SYTL3: variants seen among roughly 807,000 people sequenced by gnomAD.
The protein encoded by SYTL3 is synaptotagmin-like protein 3.
Under a neutral mutation model 82.1 loss-of-function variants are expected in SYTL3, and 88 were observed. The observed-to-expected ratio is 1.07, with a 90% CI of 0.90 to 1.28. SYTL3 has a LOEUF of 1.28. Ranked by LOEUF, SYTL3 falls within the 50% of genes most tolerant of loss-of-function variation. The pLI is 0.00. For synonymous variants in SYTL3, 311 were observed against 289.4 expected (o/e 1.07, Z -0.76); for missense variants, 831 against 757.6 (o/e 1.10, Z -1.14).
chr6:158,698,139 G>A (rs907135469), intron 6 of SYTL3, among the ~76,000 whole-genome samples: 1 of 152,164 alleles, frequency 6.6e-6, no homozygotes, highest in Non-Finnish European at 1.5e-5. Context: ...GCTCACGCCT[G>A]TAATTTCAGC....
intron 11 of SYTL3, among the ~76,000 whole-genome samples, chr6:158,745,184 A>T (rs1407958834): frequency 6.6e-6 from 1 of 151,524 alleles, no homozygotes; most frequent in Non-Finnish European, 1.5e-5. Context: ...AGAATTGCAT[A>T]GGAGCTAGTC....
chr6:158,758,486 G>A (rs985422160), intron 14 of SYTL3, among the ~76,000 whole-genome samples: 7 of 151,550 alleles, frequency 4.6e-5, no homozygotes, highest in African/African-American at 1.7e-4. Flanking sequence ...TCAGCCAAGG[G>A]CCCACGGCAG....
intron 6 of SYTL3, among the ~76,000 whole-genome samples, chr6:158,686,182 G>A (rs971259612): frequency 1.3e-5 from 2 of 152,180 alleles, no homozygotes; most frequent in South Asian, 2.1e-4. Context: ...AAGGGAATTA[G>A]GAAAGAGGTG....
chr6:158,738,836 T>A (rs1301062483), intron 11 of SYTL3, among the ~76,000 whole-genome samples: 3 of 152,230 alleles, frequency 2.0e-5, no homozygotes, highest in Non-Finnish European at 2.9e-5. Context: ...TTTTGTATTT[T>A]TAGTGGAGAC....
Position 158,756,718 on chromosome 6 carries a change from AATTTTTTTTTTT to A in SYTL3, c.1138-492_1138-481del, listed in dbSNP as rs1398815632. On this transcript the variant is annotated intron_variant, in intron 13 of 17. Coordinates refer to ENST00000611299, the MANE Select transcript of SYTL3 (RefSeq NM_001242394.2). ...AGAGCGAGATCCTGTCTCAAAAAAA[AATTTTTTTTTTT>A]TTTTTTTTTTTTTTTTTTAGTATTT... Among the ~76,000 whole-genome samples the A allele has an allele frequency of 5.1e-3, 241 of 47,406 alleles. 1 individual carries two copies. The highest frequency in any genetic ancestry group is 0.015 in the African/African-American group (212 of 14,042). 31.1% of individuals were successfully genotyped at this position (47,406 alleles called of 152,430 possible).
intron 10 of SYTL3, among the ~76,000 whole-genome samples, chr6:158,720,153 G>A (rs1464239699): frequency 6.6e-6 from 1 of 152,010 alleles, no homozygotes; most frequent in Non-Finnish European, 1.5e-5. Context: ...TGTAATCCCA[G>A]CACTCTGGGA....
chr6:158,716,471 G>C lies in SYTL3; in HGVS notation c.596-1616G>C, dbSNP rs182758510. On this transcript the variant is annotated intron_variant, in intron 9 of 17. Transcript: ENST00000611299. ...AGACTGAGATGGACCATCTGAGCGT[G>C]TCCTTTACTTTGTCCACTTTGAGGA... 9.7e-3 allele frequency among the ~76,000 whole-genome samples: 1,476 copies of C among 152,230 alleles called. 15 individuals are homozygous for C. Among genetic ancestry groups the C allele is most frequent in the Non-Finnish European group, 0.017 (1,168 of 68,010 alleles).
chr6:158,705,567 G>C lies in SYTL3; in HGVS notation c.395-1663G>C, dbSNP rs867430075. On this transcript the variant is annotated intron_variant, in intron 6 of 17. Transcript: ENST00000611299. ...GCTGTAAGGTCACATAGAGCAGCGG[G>C]GGGGGACCTGGGGGCAGGGTAACAG... is the stretch of plus-strand genomic sequence containing the variant. 2.0e-5 allele frequency among the ~76,000 whole-genome samples: 3 copies of C among 148,452 alleles called. 1 individual carries two copies. The highest frequency in any genetic ancestry group is 1.3e-4 in the Admixed American group (2 of 14,892).
rs992010648 is a variant in SYTL3 at position 158,740,408 on chromosome 6, A to G, written c.856-5072A>G. 2.6e-5 allele frequency among the ~76,000 whole-genome samples: 4 copies of G among 152,198 alleles called. No individual in the cohort carries two copies. In the South Asian group the frequency reaches 6.2e-4, roughly 24 times the overall value. On this transcript the variant is annotated intron_variant, in intron 11 of 17. Transcript: ENST00000611299. ...CTCTGGAGAAATATATTCTTTTCATATATTTTCTTGACCATATTAGTTACA... is the reference window on the plus strand; with the variant it reads ...CTCTGGAGAAATATATTCTTTTCATGTATTTTCTTGACCATATTAGTTACA...
intron 6 of SYTL3, among the ~76,000 whole-genome samples, chr6:158,689,299 A>T (rs952028438): frequency 1.3e-5 from 2 of 151,514 alleles, no homozygotes; most frequent in Admixed American, 1.3e-4. Context: ...CCAATAGATA[A>T]CTTTATCAGT....
chr6:158,751,682 C>G (rs73018271), intron 12 of SYTL3, among the ~76,000 whole-genome samples: 1 of 152,178 alleles, frequency 6.6e-6, no homozygotes, highest in African/African-American at 2.4e-5. Flanking sequence ...GAGCTTCACA[C>G]CCCCAGGAAT....
chr6:158,707,230 G>A lies in SYTL3; in HGVS notation c.395G>A (p.Gly132Asp), dbSNP rs778423151. The A allele has an allele frequency of 1.9e-6, 3 of 1,613,776 alleles. No individual in the cohort carries two copies. Among genetic ancestry groups the A allele is most frequent in the Admixed American group, 1.7e-5 (1 of 60,030 alleles). Reference sequence around the variant, plus strand: ...CGCCCTCTATGGATATCTCTCGCAGGCAAACATGAGACAGTTGGAGGGCAG... The same window carrying A: ...CGCCCTCTATGGATATCTCTCGCAGACAAACATGAGACAGTTGGAGGGCAG... ...EERAKKFPTG[G>D]KHETVGGQLL... Residue 132 changes from glycine (G) to aspartate (D), a missense_variant and splice_region_variant, in exon 7 of 18, where the codon GGC (glycine) becomes GAC (aspartate). Physicochemically the swap from Gly to Asp is moderately conservative, Grantham distance 94. Coordinates refer to ENST00000611299, the MANE Select transcript of SYTL3 (RefSeq NM_001242394.2).
intron 5 of SYTL3, among the ~76,000 whole-genome samples, chr6:158,681,020 A>G (rs954119532): frequency 6.6e-6 from 1 of 152,254 alleles, no homozygotes; most frequent in Non-Finnish European, 1.5e-5. Context: ...GAGTTCATGT[A>G]TAGCCTGAAA....
chr6:158,677,026 T>A (rs1036388298), intron 5 of SYTL3, among the ~76,000 whole-genome samples: 12 of 152,304 alleles, frequency 7.9e-5, no homozygotes, highest in African/African-American at 2.9e-4. Context: ...GAACTAGAAA[T>A]ACCATTTGAC....
intron 6 of SYTL3, among the ~76,000 whole-genome samples, chr6:158,705,541 G>A (rs1166091053): frequency 1.5e-3 from 176 of 118,206 alleles, no homozygotes; most frequent in Non-Finnish European, 1.8e-3. Flanking sequence ...TAACACTGAG[G>A]GCTGTAAGGT....
In SYTL3 at chr6:158,665,352, G is replaced by T. The variant is rs374150131; in HGVS notation, c.111-43G>T. Reference sequence around the variant, plus strand: ...CTCTTGCCCTATAGCCTGGGGTCAGGTGTTCCATCTAATACTATCTTCTTT... The same window carrying T: ...CTCTTGCCCTATAGCCTGGGGTCAGTTGTTCCATCTAATACTATCTTCTTT... On this transcript the variant is annotated intron_variant, in intron 4 of 17. Transcript: ENST00000611299. 6 of 1,536,932 alleles carry T rather than the reference G, an allele frequency of 3.9e-6. No homozygotes were observed. The Admixed American group carries it at 5.9e-5, about 15-fold the overall frequency.
intron 12 of SYTL3, among the ~76,000 whole-genome samples, chr6:158,747,042 A>G (rs1035401974): frequency 6.6e-6 from 1 of 152,024 alleles, no homozygotes; most frequent in African/African-American, 2.4e-5. Flanking sequence ...GCTGGAGTGT[A>G]TTGGCACGAT....
At chr6:158,660,961 T>C (rs114966404) in intron 2 of SYTL3, among the ~76,000 whole-genome samples, 2,144 of 152,146 alleles carry the variant, frequency 0.014, 43 homozygotes, top group African/African-American at 0.049. Flanking sequence ...AGGCGGAGGC[T>C]AAAGGATTGC....
At chr6:158,744,256 T>G (rs1438560188) in intron 11 of SYTL3, among the ~76,000 whole-genome samples, 9 of 150,782 alleles carry the variant, frequency 6.0e-5, no homozygotes, top group African/African-American at 2.2e-4. Flanking sequence ...CTTTCCCTTG[T>G]GGTTCTGACT....
Sources: gnomAD v4.1 joint callset for allele counts (sites outside exome capture counted in the v4.1 genomes callset) on GRCh38, gnomAD v4.1.1 for gene constraint, MANE v1.5 for transcripts, NCBI Gene and HGNC (gene_info 2026-07-23, HGNC 2026-07-21) for gene names.